ADORA2B: variants seen among roughly 807,000 people sequenced by gnomAD.
ADORA2B encodes the protein adenosine receptor A2b.
A neutral mutation model predicts 20.8 loss-of-function variants in ADORA2B; 18 were observed. The observed-to-expected ratio is 0.87, with a 90% CI of 0.60 to 1.29. The LOEUF (loss-of-function observed/expected upper bound fraction) is 1.29. Ranked by LOEUF, ADORA2B falls within the 50% of genes most tolerant of loss-of-function variation. The pLI, the probability that ADORA2B is intolerant of heterozygous loss-of-function variation, is 0.00. For missense variants in ADORA2B, 441 were observed against 422.7 expected (o/e 1.04, Z -0.38); for synonymous variants, 179 against 178.3 (o/e 1.00, Z -0.03).
chr17:15,897,050 G>A, the ADORA2B span, among the ~76,000 whole-genome samples: 7 of 152,264 alleles, frequency 4.6e-5, no homozygotes, highest in South Asian at 8.3e-4. Flanking sequence ...AAAATCAGAC[G>A]ATGGCCGTGC....
At chr17:15,950,624 C>T (rs2151594791) in intron 1 of ADORA2B, among the ~76,000 whole-genome samples, 1 of 152,290 alleles carries the variant, frequency 6.6e-6, no homozygotes, top group South Asian at 2.1e-4. Context: ...AGCTGGACTC[C>T]TGCTCCCCTG....
the ADORA2B span, among the ~76,000 whole-genome samples, chr17:15,929,548 G>A: frequency 1.3e-5 from 2 of 152,198 alleles, no homozygotes; most frequent in Non-Finnish European, 2.9e-5. Context: ...GGTATCAAAA[G>A]TCAACCTGCT....
chr17:15,927,552 CA>C, the ADORA2B span, among the ~76,000 whole-genome samples: 1 of 152,070 alleles, frequency 6.6e-6, no homozygotes, highest in Non-Finnish European at 1.5e-5. Context: ...AAGGCTGAGG[CA>C]GGAGAATCGC....
intron 1 of ADORA2B, among the ~76,000 whole-genome samples, chr17:15,965,955 C>G (rs951833426): frequency 2.6e-5 from 4 of 152,218 alleles, no homozygotes; most frequent in African/African-American, 9.7e-5. Flanking sequence ...GTGGCAGCCT[C>G]TTGCCCCACT....
the ADORA2B span, among the ~76,000 whole-genome samples, chr17:15,928,209 GC>G: frequency 6.6e-6 from 1 of 152,174 alleles, no homozygotes; most frequent in African/African-American, 2.4e-5. Flanking sequence ...GACGTATGTT[GC>G]TGGTGGCTTT....
chr17:15,939,524 G>A, the ADORA2B span, among the ~76,000 whole-genome samples: 11 of 152,278 alleles, frequency 7.2e-5, 1 homozygote, highest in Admixed American at 7.2e-4. Context: ...CTGCCTGTTT[G>A]ACTGGGGGAG....
At chr17:15,920,912 C>A in the ADORA2B span, among the ~76,000 whole-genome samples, 3 of 152,196 alleles carry the variant, frequency 2.0e-5, no homozygotes, top group African/African-American at 4.8e-5. Flanking sequence ...CTGTAGGCAT[C>A]TGGGAGCTCC....
intron 1 of ADORA2B, among the ~76,000 whole-genome samples, chr17:15,965,993 A>T (rs78903917): frequency 0.024 from 3,586 of 152,302 alleles, 141 homozygotes; most frequent in African/African-American, 0.081. Flanking sequence ...GTCCCAAAAG[A>T]TTTTGTTAGT....
At chr17:15,892,383 G>A in the ADORA2B span, among the ~76,000 whole-genome samples, 1 of 152,086 alleles carries the variant, frequency 6.6e-6, no homozygotes. Flanking sequence ...TGACCAGGCT[G>A]GTCTCAGATT....
chr17:15,883,594 C>T, the ADORA2B span, among the ~76,000 whole-genome samples: 2 of 152,142 alleles, frequency 1.3e-5, no homozygotes, highest in African/African-American at 4.8e-5. Flanking sequence ...TGACATGCAC[C>T]ACAACATGGA....
At chr17:15,866,724 G>GCTGCCT in the ADORA2B span, among the ~76,000 whole-genome samples, 236 of 144,310 alleles carry the variant, frequency 1.6e-3, no homozygotes, top group South Asian at 2.4e-3. Context: ...TGCCTCTGCC[G>GCTGCCT]CTGCCGCTGC....
the ADORA2B span, among the ~76,000 whole-genome samples, chr17:15,930,370 C>T: frequency 6.6e-6 from 1 of 150,812 alleles, no homozygotes; most frequent in Middle Eastern, 3.2e-3. Context: ...GATCTCAGCT[C>T]ACTGCAGCCT....
chr17:15,975,482 G>T lies in ADORA2B; in HGVS notation c.*140G>T, dbSNP rs185682716. ...TTGAGCACTTCCCTGGAGCTACCAC[G>T]TATCTAGCTAATATGTATGTGTCAG... On this transcript the variant is annotated 3_prime_UTR_variant, in exon 2 of 2. Transcript: ENST00000304222. The T allele has an allele frequency of 6.5e-6, 5 of 770,778 alleles. No individual in the cohort carries two copies. Among genetic ancestry groups the T allele is most frequent in the Middle Eastern group, 3.8e-4 (1 of 2,614 alleles). The allele number at this position is 770,778 out of a possible 1,614,324, so 47.7% of individuals were successfully genotyped here.
At chr17:15,865,559 G>A in the ADORA2B span, among the ~76,000 whole-genome samples, 4 of 152,132 alleles carry the variant, frequency 2.6e-5, no homozygotes, top group Middle Eastern at 0.01. Flanking sequence ...ACCACTCCTG[G>A]CCTCAAATGA....
the ADORA2B span, among the ~76,000 whole-genome samples, chr17:15,901,153 TTGA>T: frequency 1.3e-5 from 2 of 152,104 alleles, no homozygotes; most frequent in Admixed American, 6.5e-5. Context: ...CAGTCTGAAC[TTGA>T]TGAGCTATAC....
chr17:15,897,239 A>G, the ADORA2B span, among the ~76,000 whole-genome samples: 12,318 of 152,166 alleles, frequency 0.081, 674 homozygotes, highest in South Asian at 0.23. Flanking sequence ...TTATAATGAA[A>G]CTGCAGAAAA....
the ADORA2B span, among the ~76,000 whole-genome samples, chr17:15,919,426 C>G: frequency 6.6e-6 from 1 of 152,152 alleles, no homozygotes; most frequent in African/African-American, 2.4e-5. Flanking sequence ...ATTCCCCCAC[C>G]CCAATTAAAC....
At chr17:15,899,529 A>G in the ADORA2B span, among the ~76,000 whole-genome samples, 1 of 152,114 alleles carries the variant, frequency 6.6e-6, no homozygotes, top group Non-Finnish European at 1.5e-5. Context: ...GGTTTGGGGT[A>G]TGATTGATCT....
At chr17:15,963,026 C>T (rs1279488720) in intron 1 of ADORA2B, among the ~76,000 whole-genome samples, 1 of 152,068 alleles carries the variant, frequency 6.6e-6, no homozygotes, top group Non-Finnish European at 1.5e-5. Flanking sequence ...TATATAAAAA[C>T]CAAGATTTGG....
Sources: gnomAD v4.1 joint callset for allele counts (sites outside exome capture counted in the v4.1 genomes callset) on GRCh38, gnomAD v4.1.1 for gene constraint, MANE v1.5 for transcripts, NCBI Gene and HGNC (gene_info 2026-07-23, HGNC 2026-07-21) for gene names.